Variants in PTPRN2 observed in about 807,000 individuals in gnomAD.
PTPRN2 encodes the protein receptor-type tyrosine-protein phosphatase N2.
PTPRN2 carries 74 observed loss-of-function variants against 118.8 expected under a neutral mutation model. The ratio of observed to expected loss-of-function variants is 0.62; its 90% CI spans 0.52 to 0.76. The LOEUF is 0.76. Ranked by LOEUF, PTPRN2 falls within the 30% of genes least tolerant of loss-of-function variation. The pLI is 0.00. For synonymous variants in PTPRN2, 641 were observed against 608.0 expected (o/e 1.05, Z -0.80); for missense variants, 1,481 against 1,394.4 (o/e 1.06, Z -0.99).
chr7:158,208,526 C>T (rs1827337188), intron 3 of PTPRN2, among the ~76,000 whole-genome samples: 1 of 152,164 alleles, frequency 6.6e-6, no homozygotes, highest in African/African-American at 2.4e-5. Context: ...GGAAAGAAAC[C>T]CTTTTATTCT....
At chr7:157,850,789 A>G (rs916224745) in intron 12 of PTPRN2, among the ~76,000 whole-genome samples, 1 of 152,226 alleles carries the variant, frequency 6.6e-6, no homozygotes, top group Non-Finnish European at 1.5e-5. Flanking sequence ...CGGCCACGGT[A>G]GAGTTGACGG....
chr7:158,106,743 C>G (rs1440031196), intron 10 of PTPRN2, among the ~76,000 whole-genome samples: 2 of 152,156 alleles, frequency 1.3e-5, no homozygotes, highest in Admixed American at 6.5e-5. Context: ...TGTCCCAGGT[C>G]ACAGGTTCAC....
At chr7:157,955,238 C>G (rs1421576372) in intron 11 of PTPRN2, among the ~76,000 whole-genome samples, 1 of 152,208 alleles carries the variant, frequency 6.6e-6, no homozygotes, top group East Asian at 1.9e-4. Flanking sequence ...TAAGCTACCT[C>G]TTTTTGCCAA....
intron 12 of PTPRN2, among the ~76,000 whole-genome samples, chr7:157,688,660 C>G (rs540911528): frequency 6.6e-6 from 1 of 152,252 alleles, no homozygotes; most frequent in Non-Finnish European, 1.5e-5. Context: ...GAACCAGACC[C>G]TCTTCAGGAC....
At chr7:158,156,958 A>C (rs1404926634) in intron 6 of PTPRN2, among the ~76,000 whole-genome samples, 1 of 152,058 alleles carries the variant, frequency 6.6e-6, no homozygotes, top group African/African-American at 2.4e-5. Context: ...CCCCTGTACC[A>C]TGTGGCTCTG....
chr7:157,986,467 A>G lies in PTPRN2; in HGVS notation c.1724-87730T>C, dbSNP rs551413598. Among the ~76,000 whole-genome samples the G allele has an allele frequency of 3.9e-5, 6 of 152,224 alleles. No individual in the cohort carries two copies. Among genetic ancestry groups the G allele is most frequent in the African/African-American group, 1.4e-4 (6 of 41,556 alleles). ...AGTGGCAGAGGTGGGGCTGGAGGTC[A>G]GAACTGGCTGCATCCGTCTCCATCT... On this transcript the variant is annotated intron_variant, in intron 11 of 22. Coordinates refer to ENST00000389418, the MANE Select transcript of PTPRN2 (RefSeq NM_002847.5). The surrounding 1 kb of genome is among the most constrained non-coding windows in gnomAD (Gnocchi z 4.5).
In PTPRN2 at chr7:158,278,332, G is replaced by A. The variant is rs565380363; in HGVS notation, c.277+38487C>T. 1.0e-3 allele frequency among the ~76,000 whole-genome samples: 143 copies of A among 139,924 alleles called. 1 individual carries two copies. The highest frequency in any genetic ancestry group is 3.1e-3 in the Admixed American group (42 of 13,510). 91.8% of individuals were successfully genotyped at this position (139,924 alleles called of 152,430 possible). A position where few individuals can be genotyped will look rare whatever the true frequency, so the allele number is the denominator to read the frequency against. On this transcript the variant is annotated intron_variant, in intron 3 of 22. Coordinates refer to ENST00000389418, the MANE Select transcript of PTPRN2 (RefSeq NM_002847.5). Reference sequence around the variant, plus strand: ...AGCCTGTGCAACATGATGAAACCCCGTCTCTACTAAAATACAAAAAAAAAA... The same window carrying A: ...AGCCTGTGCAACATGATGAAACCCCATCTCTACTAAAATACAAAAAAAAAA...
Position 158,475,063 on chromosome 7 carries a change from G to A in PTPRN2, c.163+14672C>T, listed in dbSNP as rs556652734. 3.6e-4 allele frequency among the ~76,000 whole-genome samples: 55 copies of A among 152,252 alleles called. No homozygotes were observed. The South Asian group carries it at 7.7e-3, about 21-fold the overall frequency. On this transcript the variant is annotated intron_variant, in intron 2 of 22. Transcript: ENST00000389418. ...GGAGGAAGGTGATCATAAGAACCCC[G>A]GCTGCAGCACAGTCTCCAACCTTCT...
chr7:158,268,934 G>A (rs1230396610), intron 3 of PTPRN2, among the ~76,000 whole-genome samples: 3 of 151,504 alleles, frequency 2.0e-5, no homozygotes, highest in Non-Finnish European at 4.4e-5. Flanking sequence ...GTGCACACAG[G>A]GCGGGTGTGA....
At chr7:157,906,114 T>C (rs1797756066) in intron 11 of PTPRN2, among the ~76,000 whole-genome samples, 1 of 152,214 alleles carries the variant, frequency 6.6e-6, no homozygotes, top group African/African-American at 2.4e-5. Flanking sequence ...CTGGTCAGGA[T>C]TCCCCGTGCA....
chr7:157,903,647 C>CT lies in PTPRN2; in HGVS notation c.1724-4911dup, dbSNP rs34261156. The stretch of plus-strand genomic sequence containing the variant: ...ATTAGTGTTTGGTTTTTTCTTTTTC[C>CT]TTTTTTTTTTTTATACTAAAAGGTT... On this transcript the variant is annotated intron_variant, in intron 11 of 22. Coordinates refer to ENST00000389418, the MANE Select transcript of PTPRN2 (RefSeq NM_002847.5). The surrounding 1 kb of genome is among the most constrained non-coding windows in gnomAD (Gnocchi z 4.2). 0.38 allele frequency among the ~76,000 whole-genome samples: 55,677 copies of CT among 146,282 alleles called. 10,566 individuals carry two copies. The highest frequency in any genetic ancestry group is 0.53 in the East Asian group (2,671 of 5,028).
chr7:158,130,943 A>C (rs1289906456), intron 9 of PTPRN2, among the ~76,000 whole-genome samples: 1 of 133,770 alleles, frequency 7.5e-6, no homozygotes, highest in Admixed American at 7.7e-5. Flanking sequence ...GCATATGCAC[A>C]AACTGACACA....
intron 11 of PTPRN2, among the ~76,000 whole-genome samples, chr7:157,945,801 A>G (rs1032078526): frequency 1.3e-5 from 2 of 151,820 alleles, no homozygotes; most frequent in Admixed American, 6.5e-5. Flanking sequence ...CCACCTCCAC[A>G]AAGTCTGCTT....
chr7:158,270,962 C>CG lies in PTPRN2; in HGVS notation c.277+45856_277+45857insC, dbSNP rs1182318474. 1.8e-3 allele frequency among the ~76,000 whole-genome samples: 72 copies of CG among 39,472 alleles called. 2 individuals are homozygous for CG. The highest frequency in any genetic ancestry group is 2.6e-3 in the Non-Finnish European group (49 of 18,584). 25.9% of individuals were successfully genotyped at this position (39,472 alleles called of 152,430 possible). A position where few individuals can be genotyped will look rare whatever the true frequency, so the allele number is the denominator to read the frequency against. Reference sequence around the variant, plus strand: ...GACCACCCCCCCACCTGGACCACCCCTCCACCTGGACCACCCCCTCCACCT... The same window carrying CG: ...GACCACCCCCCCACCTGGACCACCCCGTCCACCTGGACCACCCCCTCCACCT... On this transcript the variant is annotated intron_variant, in intron 3 of 22. Transcript: ENST00000389418.
At chr7:158,245,227 TGGCC>T (rs1563030104) in intron 3 of PTPRN2, among the ~76,000 whole-genome samples, 3 of 147,428 alleles carry the variant, frequency 2.0e-5, no homozygotes, top group African/African-American at 5.1e-5. Flanking sequence ...CCGGAACCCA[TGGCC>T]ATGCCGGAAT....
chr7:158,313,934 T>C (rs922727320), intron 3 of PTPRN2, among the ~76,000 whole-genome samples: 1 of 152,168 alleles, frequency 6.6e-6, no homozygotes, highest in African/African-American at 2.4e-5. Context: ...AATTTCTTGG[T>C]TTTTTTCTAG....
chr7:158,369,599 T>C (rs546306401), intron 2 of PTPRN2, among the ~76,000 whole-genome samples: 8 of 152,256 alleles, frequency 5.3e-5, no homozygotes, highest in Middle Eastern at 3.4e-3. Flanking sequence ...AATCTGTTTA[T>C]TGGTAAATAT....
intron 2 of PTPRN2, among the ~76,000 whole-genome samples, chr7:158,473,406 G>A (rs966210543): frequency 1.5e-4 from 23 of 152,150 alleles, no homozygotes; most frequent in African/African-American, 2.7e-4. Flanking sequence ...CTACATCCAC[G>A]CCCAGGACAG....
chr7:157,630,878 G>A (rs956866693), intron 14 of PTPRN2, among the ~76,000 whole-genome samples: 1 of 152,182 alleles, frequency 6.6e-6, no homozygotes, highest in African/African-American at 2.4e-5. Context: ...GTAAGGAGGA[G>A]GCATTCCCAC....
Sources: gnomAD v4.1 joint callset for allele counts (sites outside exome capture counted in the v4.1 genomes callset) on GRCh38, gnomAD v4.1.1 for gene constraint, Gnocchi (gnomAD v3.1) non-coding constraint, MANE v1.5 for transcripts, NCBI Gene and HGNC (gene_info 2026-07-23, HGNC 2026-07-21) for gene names.